LARGE1: variants seen among roughly 807,000 people sequenced by gnomAD.
LARGE1 encodes xylosyl- and glucuronyltransferase LARGE1.
A neutral mutation model predicts 87.6 loss-of-function variants in LARGE1; 43 were observed. The ratio of observed to expected loss-of-function variants is 0.49; its 90% CI spans 0.38 to 0.63. LARGE1 has a LOEUF of 0.63. LARGE1 is among the 30% of genes least tolerant of loss of function. The pLI is 0.00. For synonymous variants in LARGE1, 434 were observed against 394.6 expected, an observed-to-expected ratio of 1.10 and a Z score of -1.18; for missense variants, 802 against 1,000.2, an observed-to-expected ratio of 0.80 and a Z score of 2.67.
rs946497972 is a variant in LARGE1 at position 33,408,147 on chromosome 22, AT to A, written c.893-23844del. The stretch of plus-strand genomic sequence containing the variant: ...AGGCGTGCAACACCACGCCCAGCTA[AT>A]TTTTTTTTGTATTTTTAACAAAGAC... On this transcript the variant is annotated intron_variant, in intron 7 of 14. Transcript: ENST00000397394. 4.0e-5 allele frequency among the ~76,000 whole-genome samples: 6 copies of A among 151,030 alleles called. No homozygotes were observed. The East Asian group carries it at 5.9e-4, about 15-fold the overall frequency.
chr22:33,088,094 T>C, the LARGE1 span, among the ~76,000 whole-genome samples: 1 of 151,992 alleles, frequency 6.6e-6, no homozygotes, highest in Admixed American at 6.6e-5. Flanking sequence ...ACATCATTGA[T>C]ATATACCCCA....
At chr22:33,846,446 G>A (rs991767563) in intron 1 of LARGE1, among the ~76,000 whole-genome samples, 7 of 152,130 alleles carry the variant, frequency 4.6e-5, no homozygotes, top group South Asian at 2.1e-4. Flanking sequence ...TGATAATTGC[G>A]TTAACTGCAC....
chr22:33,455,562 G>A (rs1248343248), intron 6 of LARGE1, among the ~76,000 whole-genome samples: 21 of 151,986 alleles, frequency 1.4e-4, no homozygotes. Flanking sequence ...AGACCAGCAT[G>A]GCCAACATAG....
chr22:33,519,130 T>C (rs571239168), intron 6 of LARGE1, among the ~76,000 whole-genome samples: 185 of 152,322 alleles, frequency 1.2e-3, no homozygotes, highest in Non-Finnish European at 9.8e-4. Context: ...CTCATGGATA[T>C]GCTCAAGCTG....
chr22:33,734,573 G>A (rs149569798), intron 2 of LARGE1, among the ~76,000 whole-genome samples: 15 of 152,246 alleles, frequency 9.9e-5, no homozygotes, highest in Non-Finnish European at 1.3e-4. Context: ...GTTCATCTGC[G>A]GGAGGGCTTT....
chr22:33,441,494 C>T (rs1001579947), intron 6 of LARGE1, among the ~76,000 whole-genome samples: 3 of 152,152 alleles, frequency 2.0e-5, no homozygotes, highest in Non-Finnish European at 2.9e-5. Flanking sequence ...CACTATGTCA[C>T]CCAGACTGGA....
the LARGE1 span, among the ~76,000 whole-genome samples, chr22:33,126,437 A>G: frequency 6.6e-6 from 1 of 152,198 alleles, no homozygotes; most frequent in Non-Finnish European, 1.5e-5. Context: ...AAACCTTTAT[A>G]TGTTGCATTC....
At chr22:33,455,717 G>T (rs1312606712) in intron 6 of LARGE1, among the ~76,000 whole-genome samples, 1 of 132,516 alleles carries the variant, frequency 7.5e-6, no homozygotes, top group East Asian at 2.2e-4. Flanking sequence ...TCATGCCACT[G>T]CACTCCAGCC....
At chr22:33,321,938 C>T (rs888882849) in intron 10 of LARGE1, among the ~76,000 whole-genome samples, 3 of 152,146 alleles carry the variant, frequency 2.0e-5, no homozygotes, top group African/African-American at 7.2e-5. Context: ...CCTGCCTCAG[C>T]CTTCCTAGTA....
At chr22:33,912,593 G>A (rs1044909392) in intron 1 of LARGE1, among the ~76,000 whole-genome samples, 1 of 152,098 alleles carries the variant, frequency 6.6e-6, no homozygotes, top group Non-Finnish European at 1.5e-5. Flanking sequence ...CCCATAATGC[G>A]ACAAAAGAGG....
At chr22:33,919,521 C>G (rs1441413586) in intron 1 of LARGE1, among the ~76,000 whole-genome samples, 1 of 152,236 alleles carries the variant, frequency 6.6e-6, no homozygotes, top group Non-Finnish European at 1.5e-5. Context: ...GAGGGACTCG[C>G]AAGCTGTGGC....
intron 2 of LARGE1, among the ~76,000 whole-genome samples, chr22:33,667,513 T>C (rs1476343529): frequency 6.6e-6 from 1 of 152,182 alleles, no homozygotes. Flanking sequence ...GTGTCAGCTG[T>C]AGGCACTACA....
chr22:33,613,948 C>A (rs1311610015), intron 4 of LARGE1, among the ~76,000 whole-genome samples: 1 of 152,166 alleles, frequency 6.6e-6, no homozygotes, highest in Admixed American at 6.5e-5. Context: ...ATTCACCCAG[C>A]CTCATAAGCT....
At chr22:33,912,776 G>A (rs201915944) in intron 1 of LARGE1, among the ~76,000 whole-genome samples, 6 of 137,994 alleles carry the variant, frequency 4.3e-5, no homozygotes, top group Non-Finnish European at 3.1e-5. Context: ...GAACAACAAT[G>A]AAAAAAAAAA....
At chr22:33,716,081 T>A (rs1419280105) in intron 2 of LARGE1, among the ~76,000 whole-genome samples, 2 of 152,216 alleles carry the variant, frequency 1.3e-5, no homozygotes, top group African/African-American at 4.8e-5. Flanking sequence ...TTAAGTATGA[T>A]CAACACAGGT....
chr22:33,281,417 T>A (rs866547509), intron 13 of LARGE1, among the ~76,000 whole-genome samples: 3 of 152,070 alleles, frequency 2.0e-5, no homozygotes, highest in African/African-American at 7.2e-5. Flanking sequence ...CAGGACTCAA[T>A]CAGTAGCTGG....
the LARGE1 span, among the ~76,000 whole-genome samples, chr22:33,077,692 T>C: frequency 1.3e-5 from 2 of 152,206 alleles, no homozygotes; most frequent in Admixed American, 6.5e-5. Flanking sequence ...CCTAAACATA[T>C]ATTATGCATA....
intron 2 of LARGE1, among the ~76,000 whole-genome samples, chr22:33,720,558 C>G (rs1256688518): frequency 6.6e-6 from 1 of 152,202 alleles, no homozygotes; most frequent in Admixed American, 6.5e-5. Context: ...ATACGCATGA[C>G]TATACTACAA....
At chr22:33,359,455 T>A (rs906714749) in intron 9 of LARGE1, among the ~76,000 whole-genome samples, 1 of 152,194 alleles carries the variant, frequency 6.6e-6, no homozygotes, top group African/African-American at 2.4e-5. Flanking sequence ...CTTTTCATCT[T>A]TTGAGGCCCA....
Sources: gnomAD v4.1 joint callset for allele counts (sites outside exome capture counted in the v4.1 genomes callset) on GRCh38, gnomAD v4.1.1 for gene constraint, MANE v1.5 for transcripts, NCBI Gene and HGNC (gene_info 2026-07-23, HGNC 2026-07-21) for gene names.